Variants in C8orf34 observed in about 807,000 individuals in gnomAD.
C8orf34 encodes chromosome 8 open reading frame 34, also known as uncharacterized protein C8orf34.
In C8orf34, 65 loss-of-function variants were observed where a neutral mutation model predicts 68.3. That is an observed-to-expected ratio of 0.95 (90% CI 0.78 to 1.17). The LOEUF is 1.17. Among genes scored for constraint, C8orf34 ranks in the 50% most tolerant of loss-of-function variants. The pLI, the probability that C8orf34 is intolerant of heterozygous loss-of-function variation, is 0.00. For synonymous variants in C8orf34, 244 were observed against 241.2 expected, an observed-to-expected ratio of 1.01 and a Z score of -0.11; for missense variants, 664 against 655.4, an observed-to-expected ratio of 1.01 and a Z score of -0.14.
intron 1 of C8orf34, among the ~76,000 whole-genome samples, chr8:68,394,151 A>G (rs548568334): frequency 4.0e-5 from 6 of 151,784 alleles, no homozygotes; most frequent in African/African-American, 1.4e-4. Context: ...GGTTAGTTAC[A>G]TATGTATACA....
Position 68,521,948 on chromosome 8 carries a change from T to G in C8orf34, c.915T>G (p.Asp305Glu). ...RSKNDQWESE[D>E]SGSSPAGSLK... Reference sequence around the variant, plus strand: ...AAAATGACCAATGGGAAAGTGAAGATAGTGGCTCTAGTCCTGCAGGAAGGT... The same window carrying G: ...AAAATGACCAATGGGAAAGTGAAGAGAGTGGCTCTAGTCCTGCAGGAAGGT... The change falls in exon 6 of 14, where the codon GAT (aspartate) becomes GAG (glutamate). Residue 305 changes from aspartate (D) to glutamate (E), a missense_variant. Asp to Glu is a conservative substitution (Grantham distance 45). Transcript: ENST00000518698. 6.2e-7 allele frequency: 1 copy of G among 1,614,046 alleles called. No homozygotes were observed. The highest frequency in any genetic ancestry group is 8.5e-7 in the Non-Finnish European group (1 of 1,179,964).
chr8:68,560,544 A>G (rs1318927968), intron 7 of C8orf34, among the ~76,000 whole-genome samples: 1 of 152,202 alleles, frequency 6.6e-6, no homozygotes, highest in Non-Finnish European at 1.5e-5. Flanking sequence ...GTGTACTTAC[A>G]CGAACCTAGA....
At chr8:68,785,807 A>T (rs1173314331) in intron 11 of C8orf34, among the ~76,000 whole-genome samples, 1 of 152,128 alleles carries the variant, frequency 6.6e-6, no homozygotes, top group Non-Finnish European at 1.5e-5. Flanking sequence ...ACTGCCCTAA[A>T]ATATATCCTG....
At chr8:68,405,425 G>A (rs1809151871) in intron 1 of C8orf34, among the ~76,000 whole-genome samples, 1 of 152,094 alleles carries the variant, frequency 6.6e-6, no homozygotes, top group Admixed American at 6.6e-5. Context: ...AATTTTATAG[G>A]TGTGGACCAG....
intron 7 of C8orf34, among the ~76,000 whole-genome samples, chr8:68,575,076 G>T (rs1816863357): frequency 1.3e-5 from 2 of 151,668 alleles, no homozygotes; most frequent in African/African-American, 4.8e-5. Flanking sequence ...ACTCAAAAAT[G>T]ACATATCTAT....
At chr8:68,503,652 C>T (rs187382251) in intron 5 of C8orf34, among the ~76,000 whole-genome samples, 1 of 150,844 alleles carries the variant, frequency 6.6e-6, no homozygotes, top group African/African-American at 2.4e-5. Context: ...GTTCTCAAAA[C>T]GGTCCAATGG....
intron 8 of C8orf34, among the ~76,000 whole-genome samples, chr8:68,706,990 T>A (rs912811302): frequency 1.3e-5 from 2 of 151,866 alleles, no homozygotes; most frequent in Non-Finnish European, 2.9e-5. Flanking sequence ...TATAAGGGAG[T>A]CTGTTTAATA....
chr8:68,372,360 G>C (rs1283722520), intron 1 of C8orf34, among the ~76,000 whole-genome samples: 3 of 152,160 alleles, frequency 2.0e-5, no homozygotes, highest in African/African-American at 7.2e-5. Context: ...GAAAGAAACT[G>C]AGGTTGTCAG....
intron 1 of C8orf34, among the ~76,000 whole-genome samples, chr8:68,408,274 A>G (rs1370988328): frequency 6.6e-6 from 1 of 151,844 alleles, no homozygotes; most frequent in Non-Finnish European, 1.5e-5. Context: ...TAGTTGCAGG[A>G]AAACAAGTTC....
intron 11 of C8orf34, among the ~76,000 whole-genome samples, chr8:68,780,213 T>C (rs988836298): frequency 2.6e-5 from 4 of 152,216 alleles, no homozygotes; most frequent in Non-Finnish European, 2.9e-5. Flanking sequence ...AATTCCATAA[T>C]TGTAAAATAG....
At chr8:68,505,388 A>G (rs535787303) in intron 5 of C8orf34, among the ~76,000 whole-genome samples, 1 of 152,142 alleles carries the variant, frequency 6.6e-6, no homozygotes, top group Non-Finnish European at 1.5e-5. Context: ...TTTGGTGGTA[A>G]GAAGTTGAAC....
intron 8 of C8orf34, among the ~76,000 whole-genome samples, chr8:68,671,454 A>C (rs1406616558): frequency 6.6e-5 from 10 of 152,194 alleles, no homozygotes; most frequent in Non-Finnish European, 1.5e-5. Flanking sequence ...GAGCTAAGTA[A>C]ATAGTAAAGG....
At chr8:68,464,317 A>T (rs914486605) in intron 3 of C8orf34, among the ~76,000 whole-genome samples, 1 of 152,198 alleles carries the variant, frequency 6.6e-6, no homozygotes, top group African/African-American at 2.4e-5. Context: ...AACAAATGGA[A>T]GAATATTCCA....
intron 1 of C8orf34, among the ~76,000 whole-genome samples, chr8:68,402,166 C>A (rs1808987125): frequency 6.6e-6 from 1 of 151,978 alleles, no homozygotes; most frequent in Non-Finnish European, 1.5e-5. Context: ...TTATTTCTTT[C>A]CTGTGGGTTC....
chr8:68,807,837 A>G (rs1162433869), intron 12 of C8orf34, among the ~76,000 whole-genome samples: 1 of 152,242 alleles, frequency 6.6e-6, no homozygotes, highest in Non-Finnish European at 1.5e-5. Context: ...AAAAGAAAAA[A>G]GATTTTAAGT....
intron 7 of C8orf34, among the ~76,000 whole-genome samples, chr8:68,595,784 C>T (rs1242425267): frequency 6.6e-6 from 1 of 152,066 alleles, no homozygotes; most frequent in African/African-American, 2.4e-5. Flanking sequence ...TTCATCTCTT[C>T]ATTCCTCCCT....
chr8:68,336,229 A>ACAAAGAGAACAG (rs1282444942), intron 1 of C8orf34, among the ~76,000 whole-genome samples: 8 of 152,108 alleles, frequency 5.3e-5, no homozygotes, highest in Non-Finnish European at 1.5e-5. Context: ...CATGAACCAT[A>ACAAAGAGAACAG]CAAAGAGAAC....
At chr8:68,459,703 C>G (rs1033683954) in intron 3 of C8orf34, among the ~76,000 whole-genome samples, 3 of 152,208 alleles carry the variant, frequency 2.0e-5, no homozygotes, top group Non-Finnish European at 4.4e-5. Flanking sequence ...AAGATACCTG[C>G]ATTCACATGT....
At chr8:68,791,166 A>T in intron 12 of C8orf34, 1 of 421,424 alleles carries the variant, frequency 2.4e-6, no homozygotes, top group Non-Finnish European at 4.2e-6. Flanking sequence ...AAAAAGGTTT[A>T]ATTGACTCAC....
Sources: allele counts gnomAD v4.1 joint callset (sites outside exome capture counted in the v4.1 genomes callset), GRCh38; gene constraint gnomAD v4.1.1; transcripts MANE v1.5; gene names NCBI Gene and HGNC (gene_info 2026-07-23, HGNC 2026-07-21).